PTPRT: variants seen among roughly 807,000 people sequenced by gnomAD.
The protein encoded by PTPRT is protein tyrosine phosphatase receptor type T.
PTPRT carries 56 observed loss-of-function variants against 176.8 expected under a neutral mutation model. The ratio of observed to expected loss-of-function variants is 0.32; its 90% CI spans 0.26 to 0.40. The LOEUF (loss-of-function observed/expected upper bound fraction) is 0.40. Among genes scored for constraint, PTPRT ranks in the 10% least tolerant of loss-of-function variants. The pLI is 1.00. For synonymous variants in PTPRT, 783 were observed against 739.0 expected (o/e 1.06, Z -0.96); for missense variants, 1,540 against 1,908.2 (o/e 0.81, Z 3.60).
chr20:42,534,864 C>T (rs1480460121), intron 7 of PTPRT, among the ~76,000 whole-genome samples: 1 of 152,094 alleles, frequency 6.6e-6, no homozygotes, highest in African/African-American at 2.4e-5. Context: ...CATAAGGTGA[C>T]TGTGGGAATA....
chr20:42,131,288 G>A (rs1988111722), intron 18 of PTPRT, among the ~76,000 whole-genome samples: 1 of 152,168 alleles, frequency 6.6e-6, no homozygotes, highest in Non-Finnish European at 1.5e-5. Context: ...AGGGCATCAA[G>A]CCTCTGTTAC....
intron 9 of PTPRT, among the ~76,000 whole-genome samples, chr20:42,424,511 A>G (rs975557715): frequency 2.0e-4 from 31 of 152,256 alleles, no homozygotes; most frequent in Non-Finnish European, 4.4e-4. Context: ...CTGTGCCTCA[A>G]AAGCCTTAAA....
intron 1 of PTPRT, among the ~76,000 whole-genome samples, chr20:43,179,465 C>A (rs967606453): frequency 6.6e-6 from 1 of 152,048 alleles, no homozygotes; most frequent in Non-Finnish European, 1.5e-5. Context: ...ATATCATAGC[C>A]CTAATCTATT....
intron 6 of PTPRT, among the ~76,000 whole-genome samples, chr20:42,709,557 T>C (rs1431819291): frequency 6.6e-6 from 1 of 152,186 alleles, no homozygotes; most frequent in African/African-American, 2.4e-5. Context: ...TGTAGAACCA[T>C]TAGCCAAATA....
At chr20:42,847,264 G>A (rs571943250) in intron 2 of PTPRT, among the ~76,000 whole-genome samples, 2 of 152,280 alleles carry the variant, frequency 1.3e-5, no homozygotes, top group South Asian at 2.1e-4. Flanking sequence ...GAACAGGGGC[G>A]AGAAGATCCC....
intron 7 of PTPRT, among the ~76,000 whole-genome samples, chr20:42,572,147 G>A (rs1323524009): frequency 6.6e-6 from 1 of 152,046 alleles, no homozygotes; most frequent in East Asian, 1.9e-4. Flanking sequence ...AAGAGGCCGG[G>A]GGCTCCCTCA....
intron 9 of PTPRT, among the ~76,000 whole-genome samples, chr20:42,366,496 A>G (rs1335932335): frequency 6.6e-6 from 1 of 152,112 alleles, no homozygotes; most frequent in African/African-American, 2.4e-5. Flanking sequence ...GCTCCCAAGA[A>G]GCTCTACCTT....
intron 8 of PTPRT, among the ~76,000 whole-genome samples, chr20:42,448,758 G>T (rs746865041): frequency 2.0e-5 from 3 of 152,022 alleles, no homozygotes; most frequent in Non-Finnish European, 4.4e-5. Context: ...GTTTGCTTCA[G>T]GGGTGTCTAA....
chr20:42,982,018 A>G (rs984800644), intron 1 of PTPRT, among the ~76,000 whole-genome samples: 6 of 152,196 alleles, frequency 3.9e-5, no homozygotes, highest in African/African-American at 7.2e-5. Flanking sequence ...GAAGATCCCA[A>G]TAAGTCCCTA....
At chr20:42,883,401 G>A (rs1310898218) in intron 2 of PTPRT, among the ~76,000 whole-genome samples, 3 of 151,990 alleles carry the variant, frequency 2.0e-5, no homozygotes, top group African/African-American at 4.8e-5. Flanking sequence ...GTAAGAGAGA[G>A]AAAAAAGAGA....
At chr20:42,747,956 A>G (rs965540318) in intron 6 of PTPRT, among the ~76,000 whole-genome samples, 1 of 152,214 alleles carries the variant, frequency 6.6e-6, no homozygotes, top group Non-Finnish European at 1.5e-5. Flanking sequence ...TGGAGCAGGG[A>G]GGAAGCTGGA....
intron 7 of PTPRT, among the ~76,000 whole-genome samples, chr20:42,603,164 A>G (rs2145796138): frequency 6.6e-6 from 1 of 152,316 alleles, no homozygotes; most frequent in Non-Finnish European, 1.5e-5. Flanking sequence ...AAATACACCA[A>G]TGGCACACAC....
intron 12 of PTPRT, among the ~76,000 whole-genome samples, chr20:42,307,691 A>G (rs1452587027): frequency 6.6e-6 from 1 of 152,206 alleles, no homozygotes; most frequent in Non-Finnish European, 1.5e-5. Context: ...CTCAACAGGA[A>G]CAGATATCAG....
intron 2 of PTPRT, among the ~76,000 whole-genome samples, chr20:42,828,641 C>T (rs2078037247): frequency 6.6e-6 from 1 of 152,152 alleles, no homozygotes; most frequent in Admixed American, 6.5e-5. Context: ...TCCTGAATCC[C>T]AGCCACTCCA....
intron 2 of PTPRT, among the ~76,000 whole-genome samples, chr20:42,798,733 C>T (rs990066436): frequency 5.3e-5 from 8 of 152,100 alleles, no homozygotes; most frequent in Non-Finnish European, 1.0e-4. Context: ...ATTTCTGTAA[C>T]CATTCATTCA....
chr20:42,827,250 A>G (rs570276126), intron 2 of PTPRT, among the ~76,000 whole-genome samples: 29 of 152,310 alleles, frequency 1.9e-4, no homozygotes, highest in Non-Finnish European at 3.1e-4. Context: ...AACAGAATAT[A>G]CATTCTTCTC....
At chr20:42,708,148 A>C (rs1356730543) in intron 6 of PTPRT, among the ~76,000 whole-genome samples, 1 of 152,222 alleles carries the variant, frequency 6.6e-6, no homozygotes. Context: ...TTCTGATGGT[A>C]TCTATGCCAA....
chr20:42,379,421 G>C (rs950026279), intron 9 of PTPRT, among the ~76,000 whole-genome samples: 1 of 152,214 alleles, frequency 6.6e-6, no homozygotes, highest in Non-Finnish European at 1.5e-5. Flanking sequence ...GGAGTGCCTT[G>C]GTATAACTAT....
chr20:42,128,345 C>T (rs1048073105), intron 19 of PTPRT, among the ~76,000 whole-genome samples: 6 of 152,050 alleles, frequency 3.9e-5, no homozygotes, highest in Non-Finnish European at 8.8e-5. Context: ...CACATTATCT[C>T]CCTGCTAAGG....
Sources: allele counts gnomAD v4.1 joint callset (sites outside exome capture counted in the v4.1 genomes callset), GRCh38; gene constraint gnomAD v4.1.1; transcripts MANE v1.5; gene names NCBI Gene and HGNC (gene_info 2026-07-23, HGNC 2026-07-21).